The following GALNT13 variants were observed in gnomAD, a reference collection of about 807,000 sequenced individuals.
GALNT13 encodes polypeptide N-acetylgalactosaminyltransferase 13.
In GALNT13, 28 loss-of-function variants were observed where a neutral mutation model predicts 64.2. The ratio of observed to expected loss-of-function variants is 0.44; its 90% CI spans 0.32 to 0.60. The LOEUF (loss-of-function observed/expected upper bound fraction) is 0.60. Among genes scored for constraint, GALNT13 ranks in the 20% least tolerant of loss-of-function variants. The probability of loss-of-function intolerance (pLI) is 0.05; values close to 1 mark genes in which losing one functional copy is unlikely to be tolerated. For synonymous variants in GALNT13, 214 were observed against 224.6 expected (o/e 0.95, Z 0.42); for missense variants, 577 against 669.8 (o/e 0.86, Z 1.53).
chr2:153,678,181 T>C, the GALNT13 span, among the ~76,000 whole-genome samples: 1 of 141,142 alleles, frequency 7.1e-6, no homozygotes, highest in Non-Finnish European at 1.6e-5. Context: ...ATATATCCAA[T>C]ATATCCAAAG....
chr2:153,076,559 A>T, the GALNT13 span, among the ~76,000 whole-genome samples: 1 of 152,086 alleles, frequency 6.6e-6, no homozygotes, highest in Non-Finnish European at 1.5e-5. Flanking sequence ...TTCCTTGAGT[A>T]CTTTTATGAT....
the GALNT13 span, among the ~76,000 whole-genome samples, chr2:153,285,084 G>C: frequency 1.3e-5 from 2 of 151,926 alleles, no homozygotes; most frequent in Non-Finnish European, 2.9e-5. Flanking sequence ...CACATGGCTG[G>C]GGAGACCTTA....
the GALNT13 span, among the ~76,000 whole-genome samples, chr2:153,585,543 G>A: frequency 7.8e-4 from 118 of 152,194 alleles, no homozygotes; most frequent in African/African-American, 2.6e-3. Context: ...TAACATATAC[G>A]AAAAGATGTA....
chr2:154,411,396 A>G (rs1699788396), intron 11 of GALNT13, among the ~76,000 whole-genome samples: 1 of 151,540 alleles, frequency 6.6e-6, no homozygotes, highest in African/African-American at 2.4e-5. Context: ...AAACACAAAC[A>G]ATGGAAACAA....
the GALNT13 span, chr2:153,762,755 C>G: frequency 2.0e-5 from 3 of 151,416 alleles, no homozygotes; most frequent in East Asian, 5.9e-4. Flanking sequence ...ACTGAGTATT[C>G]TGGAAAGTTC....
chr2:154,377,311 T>C (rs10202750), intron 9 of GALNT13, among the ~76,000 whole-genome samples: 87,013 of 151,420 alleles, frequency 0.57, 25,395 homozygotes, highest in Admixed American at 0.65. Flanking sequence ...CAAGCTTTTT[T>C]ACACATTTAT....
chr2:154,439,886 T>C lies in GALNT13; in HGVS notation c.1530+1160T>C, dbSNP rs79685162. Among the ~76,000 whole-genome samples, 405 of 152,302 alleles carry C rather than the reference T, an allele frequency of 2.7e-3. 2 individuals are homozygous for C. Among genetic ancestry groups the C allele is most frequent in the African/African-American group, 9.3e-3 (387 of 41,582 alleles). On this transcript the variant is annotated intron_variant, in intron 12 of 12. Transcript: ENST00000392825. The stretch of plus-strand genomic sequence containing the variant: ...AACACTGAGAATTCTTCCTATGTTG[T>C]ACCAGTGTGATTAAGATGCTACTGC...
chr2:153,749,110 G>A, the GALNT13 span, among the ~76,000 whole-genome samples: 1 of 151,918 alleles, frequency 6.6e-6, no homozygotes, highest in Non-Finnish European at 1.5e-5. Context: ...TTATGTTCTT[G>A]ACACCTTGGT....
chr2:153,976,446 C>T (rs1694082527), intron 3 of GALNT13, among the ~76,000 whole-genome samples: 1 of 151,986 alleles, frequency 6.6e-6, no homozygotes, highest in South Asian at 2.1e-4. Context: ...AATTTCAAGC[C>T]TTATAATAAA....
At chr2:154,203,932 A>G (rs569653705) in intron 4 of GALNT13, among the ~76,000 whole-genome samples, 1 of 152,278 alleles carries the variant, frequency 6.6e-6, no homozygotes, top group Non-Finnish European at 1.5e-5. Context: ...TGATTCTCCA[A>G]TAGGTTCAAA....
the GALNT13 span, among the ~76,000 whole-genome samples, chr2:153,087,615 T>C: frequency 2.0e-5 from 3 of 152,204 alleles, no homozygotes; most frequent in Non-Finnish European, 4.4e-5. Flanking sequence ...TCCTGGACTT[T>C]TTCTATTGGC....
chr2:153,437,382 G>A, the GALNT13 span, among the ~76,000 whole-genome samples: 5 of 152,074 alleles, frequency 3.3e-5, no homozygotes, highest in South Asian at 2.1e-4. Flanking sequence ...GGATATCCTC[G>A]TTGACTTTCT....
chr2:153,354,156 T>C, the GALNT13 span: 6 of 152,298 alleles, frequency 3.9e-5, no homozygotes, highest in South Asian at 1.0e-3. Context: ...ATTGATTCCA[T>C]TTAATCAATT....
chr2:154,433,045 A>G (rs950226472), intron 11 of GALNT13, among the ~76,000 whole-genome samples: 4 of 152,224 alleles, frequency 2.6e-5, no homozygotes, highest in Non-Finnish European at 4.4e-5. Context: ...GCAATCACAC[A>G]GATCCCTACA....
chr2:153,292,403 A>C, the GALNT13 span, among the ~76,000 whole-genome samples: 1 of 152,198 alleles, frequency 6.6e-6, no homozygotes, highest in Non-Finnish European at 1.5e-5. Flanking sequence ...TTATAATAAC[A>C]ATGCCCTTCC....
chr2:153,547,665 C>T, the GALNT13 span, among the ~76,000 whole-genome samples: 1 of 152,118 alleles, frequency 6.6e-6, no homozygotes, highest in African/African-American at 2.4e-5. Context: ...GGTAAGAACA[C>T]ATGTAATGAG....
At chr2:153,727,571 A>G in the GALNT13 span, among the ~76,000 whole-genome samples, 1 of 152,166 alleles carries the variant, frequency 6.6e-6, no homozygotes, top group Non-Finnish European at 1.5e-5. Flanking sequence ...ACCAATTGCC[A>G]TCCATACGAC....
At chr2:154,289,741 T>C (rs1311718311) in intron 8 of GALNT13, among the ~76,000 whole-genome samples, 3 of 151,998 alleles carry the variant, frequency 2.0e-5, no homozygotes, top group Admixed American at 1.3e-4. Flanking sequence ...CTTGAGAGAG[T>C]TGGAATAGCA....
At chr2:153,455,987 C>G in the GALNT13 span, among the ~76,000 whole-genome samples, 2 of 152,092 alleles carry the variant, frequency 1.3e-5, no homozygotes, top group Admixed American at 6.6e-5. Context: ...GAAGTCCGGC[C>G]CTCTCCAGCC....
Sources: gnomAD v4.1 joint callset for allele counts (sites outside exome capture counted in the v4.1 genomes callset) on GRCh38, gnomAD v4.1.1 for gene constraint, MANE v1.5 for transcripts, NCBI Gene and HGNC (gene_info 2026-07-23, HGNC 2026-07-21) for gene names.